The following RIN3 variants were observed in gnomAD, a reference collection of about 807,000 sequenced individuals.
RIN3 encodes RAB5 interacting protein 3.
In RIN3, 54 loss-of-function variants were observed where a neutral mutation model predicts 76.3. The observed-to-expected ratio is 0.71, with a 90% CI of 0.57 to 0.89. The LOEUF is 0.89. Ranked by LOEUF, RIN3 falls within the 40% of genes least tolerant of loss-of-function variation. The pLI is 0.00. For synonymous variants in RIN3, 576 were observed against 564.0 expected (o/e 1.02, Z -0.30); for missense variants, 1,256 against 1,322.1 (o/e 0.95, Z 0.78).
At chr14:92,611,294 C>CT (rs71461979) in intron 3 of RIN3, among the ~76,000 whole-genome samples, 19 of 151,672 alleles carry the variant, frequency 1.3e-4, no homozygotes, top group South Asian at 2.1e-4. Flanking sequence ...ACATGACCTT[C>CT]TTTTTTTTTG....
chr14:92,554,059 G>A (rs1371718277), intron 1 of RIN3, among the ~76,000 whole-genome samples: 1 of 152,174 alleles, frequency 6.6e-6, no homozygotes, highest in African/African-American at 2.4e-5. Flanking sequence ...ACATCACAGA[G>A]ACACAGGGCA....
intron 4 of RIN3, among the ~76,000 whole-genome samples, chr14:92,625,279 G>T (rs1886314473): frequency 6.6e-6 from 1 of 152,134 alleles, no homozygotes; most frequent in African/African-American, 2.4e-5. Context: ...AATTAACTTA[G>T]ATGATTTTTT....
chr14:92,589,106 T>C (rs867259802), intron 3 of RIN3, among the ~76,000 whole-genome samples: 1 of 152,150 alleles, frequency 6.6e-6, no homozygotes, highest in Non-Finnish European at 1.5e-5. Context: ...CTTGGTTTCT[T>C]GCCTGTTCTT....
Position 92,688,565 on chromosome 14 carries a change from C to T in RIN3, c.*313C>T, listed in dbSNP as rs532167095. The stretch of plus-strand genomic sequence containing the variant: ...ACCGGCGCCCTCTTCACACGTAGCT[C>T]CTCAGGCCATTCCCCATGAGTCCCC... On this transcript the variant is annotated 3_prime_UTR_variant, in exon 10 of 10. Transcript: ENST00000216487. The T allele has an allele frequency of 3.2e-4, 136 of 419,752 alleles. 2 individuals carry two copies. In the South Asian group the frequency reaches 4.4e-3, roughly 14 times the overall value. The allele number at this position is 419,752 out of a possible 1,614,324, so 26.0% of individuals were successfully genotyped here. A position where few individuals can be genotyped will look rare whatever the true frequency, so the allele number is the denominator to read the frequency against.
At chr14:92,632,656 A>G (rs1043638205) in intron 4 of RIN3, among the ~76,000 whole-genome samples, 3 of 152,100 alleles carry the variant, frequency 2.0e-5, no homozygotes, top group Non-Finnish European at 4.4e-5. Flanking sequence ...TGCCCAGGAG[A>G]CTGACTACCA....
At chr14:92,667,689 A>G (rs1888158198) in intron 7 of RIN3, among the ~76,000 whole-genome samples, 1 of 152,206 alleles carries the variant, frequency 6.6e-6, no homozygotes, top group African/African-American at 2.4e-5. Flanking sequence ...ATTTGCTGCT[A>G]TTTGATGCTG....
chr14:92,533,369 C>A (rs937492939), intron 1 of RIN3, among the ~76,000 whole-genome samples: 19 of 152,218 alleles, frequency 1.2e-4, no homozygotes, highest in African/African-American at 4.3e-4. Flanking sequence ...GAGTATCTAC[C>A]CAGAGGAAGA....
chr14:92,637,068 C>A (rs374129481), intron 4 of RIN3, among the ~76,000 whole-genome samples: 2 of 152,006 alleles, frequency 1.3e-5, no homozygotes, highest in South Asian at 2.1e-4. Flanking sequence ...TTTCCACGGG[C>A]CAGGGGTGGG....
intron 4 of RIN3, among the ~76,000 whole-genome samples, chr14:92,630,755 G>A (rs1344240193): frequency 6.6e-6 from 1 of 152,210 alleles, no homozygotes; most frequent in Non-Finnish European, 1.5e-5. Flanking sequence ...TATTTTGAGG[G>A]ATGTCAGCTC....
At chr14:92,682,993 G>A (rs770276751) in intron 8 of RIN3, among the ~76,000 whole-genome samples, 28 of 151,898 alleles carry the variant, frequency 1.8e-4, no homozygotes, top group Non-Finnish European at 3.1e-4. Flanking sequence ...TGGTGAAACC[G>A]CGTTTCTACT....
At chr14:92,533,267 G>A (rs1167615244) in intron 1 of RIN3, among the ~76,000 whole-genome samples, 5 of 152,218 alleles carry the variant, frequency 3.3e-5, no homozygotes, top group African/African-American at 1.2e-4. Flanking sequence ...TAATTAAAAT[G>A]TGTCAGTAGC....
At chr14:92,537,960 C>T (rs1050333558) in intron 1 of RIN3, among the ~76,000 whole-genome samples, 1 of 152,142 alleles carries the variant, frequency 6.6e-6, no homozygotes, top group Admixed American at 6.5e-5. Flanking sequence ...CCTCAGCCCC[C>T]CAAGTAGCTG....
chr14:92,529,611 G>A (rs565282238), intron 1 of RIN3, among the ~76,000 whole-genome samples: 7 of 152,312 alleles, frequency 4.6e-5, no homozygotes, highest in South Asian at 2.1e-4. Context: ...CCAGTTGTCC[G>A]GCGGGCACAT....
At chr14:92,549,151 C>T (rs1897354564) in intron 1 of RIN3, among the ~76,000 whole-genome samples, 1 of 152,226 alleles carries the variant, frequency 6.6e-6, no homozygotes, top group Admixed American at 6.5e-5. Flanking sequence ...GGGACCAGGC[C>T]TCTCCATTCC....
intron 1 of RIN3, among the ~76,000 whole-genome samples, chr14:92,524,835 A>G (rs11622288): frequency 0.42 from 63,367 of 152,118 alleles, 15,464 homozygotes; most frequent in Middle Eastern, 0.63. Context: ...AGGCTTGTGC[A>G]GCACCCAGGC....
At position 92,555,872 on chromosome 14, in the gene RIN3, C is replaced by G; in HGVS notation, c.166C>G (p.Leu56Val). The change falls in exon 2 of 10, where the codon CTC (leucine) becomes GTC (valine). Residue 56 changes from leucine (L) to valine (V), a missense_variant. By Grantham distance (32) the Leu-to-Val change is conservative. This residue lies in a region of RIN3 where 610 missense variants were observed against 626.4 expected (regional missense o/e 0.97). Transcript: ENST00000216487. ...HRRGISILEK[L>V]IKTCPVWLQL... is the part of the protein sequence containing the mutation. ...CCGGGGCATCAGCATCCTGGAGAAG[C>G]TCATCAAAACATGCCCGGTGTGGCT... 1 of 1,614,142 alleles carries G rather than the reference C, an allele frequency of 6.2e-7. No individual in the cohort carries two copies. The highest frequency in any genetic ancestry group is 8.5e-7 in the Non-Finnish European group (1 of 1,180,038).
intron 3 of RIN3, among the ~76,000 whole-genome samples, chr14:92,605,356 C>T (rs1885491738): frequency 6.6e-6 from 1 of 152,306 alleles, no homozygotes; most frequent in African/African-American, 2.4e-5. Context: ...TTAACAACGA[C>T]TATTGTCGAT....
intron 2 of RIN3, among the ~76,000 whole-genome samples, chr14:92,561,674 A>C (rs373838730): frequency 6.6e-6 from 1 of 152,128 alleles, no homozygotes; most frequent in Non-Finnish European, 1.5e-5. Context: ...CCCGTACTTT[A>C]TTCAGATTTC....
intron 3 of RIN3, among the ~76,000 whole-genome samples, chr14:92,597,532 G>A (rs58313999): frequency 1.3e-5 from 2 of 152,058 alleles, no homozygotes; most frequent in Non-Finnish European, 2.9e-5. Context: ...TCACTTACTA[G>A]CTGGTTGAAC....
Sources: gnomAD v4.1 joint callset for allele counts (sites outside exome capture counted in the v4.1 genomes callset) on GRCh38, gnomAD v4.1.1 for gene constraint, gnomAD v4.1.1 regional missense constraint, MANE v1.5 for transcripts, NCBI Gene and HGNC (gene_info 2026-07-23, HGNC 2026-07-21) for gene names.